PPP2R5A: variants seen among roughly 807,000 people sequenced by gnomAD.
PPP2R5A encodes the protein serine/threonine-protein phosphatase 2A 56 kDa regulatory subunit alpha isoform.
Under a neutral mutation model 64.2 loss-of-function variants are expected in PPP2R5A, and 25 were observed. The ratio of observed to expected loss-of-function variants is 0.39; its 90% CI spans 0.28 to 0.54. The LOEUF (loss-of-function observed/expected upper bound fraction) is 0.54, where lower values mean the gene tolerates loss of function less well. Among genes scored for constraint, PPP2R5A ranks in the 20% least tolerant of loss-of-function variants. The pLI, the probability that PPP2R5A is intolerant of heterozygous loss-of-function variation, is 0.67. For synonymous variants in PPP2R5A, 198 were observed against 201.2 expected, an observed-to-expected ratio of 0.98 and a Z score of 0.13; for missense variants, 425 against 576.3, an observed-to-expected ratio of 0.74 and a Z score of 2.69.
At chr1:212,318,304 G>C (rs904399995) in intron 1 of PPP2R5A, among the ~76,000 whole-genome samples, 3 of 150,750 alleles carry the variant, frequency 2.0e-5, no homozygotes, top group South Asian at 2.1e-4. Flanking sequence ...TTTTTTTTAA[G>C]GTAATTCCTA....
chr1:212,354,053 G>A (rs953275083), intron 8 of PPP2R5A, among the ~76,000 whole-genome samples: 7 of 152,042 alleles, frequency 4.6e-5, no homozygotes, highest in Admixed American at 1.3e-4. Flanking sequence ...GCCTGGTGGC[G>A]GGCGCCTGTA....
rs1339364422 is a variant in PPP2R5A at position 212,309,079 on chromosome 1, A to C, written c.182-20056A>C. 3 of 829,930 alleles carry C rather than the reference A, an allele frequency of 3.6e-6. No homozygotes were observed. The East Asian group carries it at 7.2e-5, about 20-fold the overall frequency. 51.4% of individuals were successfully genotyped at this position (829,930 alleles called of 1,614,324 possible). A position where few individuals can be genotyped will look rare whatever the true frequency, so the allele number is the denominator to read the frequency against. On this transcript the variant is annotated intron_variant, in intron 1 of 12. Coordinates refer to ENST00000261461, the MANE Select transcript of PPP2R5A (RefSeq NM_006243.4). ...GATCTCGATTTTGTTGGCAACATCCAAAGCATTGTAATCAGGAGCCAGTCA... is the reference window on the plus strand; with the variant it reads ...GATCTCGATTTTGTTGGCAACATCCCAAGCATTGTAATCAGGAGCCAGTCA...
intron 1 of PPP2R5A, among the ~76,000 whole-genome samples, chr1:212,310,180 C>T (rs1659001618): frequency 1.3e-5 from 2 of 152,134 alleles, no homozygotes; most frequent in Admixed American, 6.5e-5. Context: ...TGCTTTGGGG[C>T]ACACATTGTT....
At chr1:212,306,184 G>A (rs181980376) in intron 1 of PPP2R5A, among the ~76,000 whole-genome samples, 4 of 152,176 alleles carry the variant, frequency 2.6e-5, no homozygotes, top group African/African-American at 9.6e-5. Context: ...GGGTGGGCAC[G>A]TAAAGGAAAG....
intron 1 of PPP2R5A, among the ~76,000 whole-genome samples, chr1:212,295,743 CTG>C (rs1020924670): frequency 1.3e-5 from 2 of 152,106 alleles, no homozygotes; most frequent in Non-Finnish European, 2.9e-5. Flanking sequence ...CAGTGGATAA[CTG>C]TGGACAAGTC....
At chr1:212,290,524 A>T (rs1169633495) in intron 1 of PPP2R5A, among the ~76,000 whole-genome samples, 1 of 152,236 alleles carries the variant, frequency 6.6e-6, no homozygotes, top group Non-Finnish European at 1.5e-5. Flanking sequence ...TTTTTAAAAA[A>T]TTTAAAACAT....
chr1:212,323,498 T>G (rs1659350338), intron 1 of PPP2R5A, among the ~76,000 whole-genome samples: 2 of 152,224 alleles, frequency 1.3e-5, no homozygotes, highest in Admixed American at 6.5e-5. Context: ...CTAAAAATAA[T>G]CAAGAATTGG....
chr1:212,305,035 A>AT lies in PPP2R5A; in HGVS notation c.181+18765dup, dbSNP rs3070963. 7.8e-3 allele frequency among the ~76,000 whole-genome samples: 847 copies of AT among 107,944 alleles called. 18 individuals are homozygous for AT. The highest frequency in any genetic ancestry group is 0.01 in the African/African-American group (255 of 25,242). The allele number at this position is 107,944 out of a possible 152,430, so 70.8% of individuals were successfully genotyped here. A position where few individuals can be genotyped will look rare whatever the true frequency, so the allele number is the denominator to read the frequency against. ...TGGGAGCTGCCACACCCGGCCCCCA[A>AT]TTTTTTTTTTTTTTTTTTTTTGAGA... On this transcript the variant is annotated intron_variant, in intron 1 of 12. Coordinates refer to ENST00000261461, the MANE Select transcript of PPP2R5A (RefSeq NM_006243.4).
intron 1 of PPP2R5A, chr1:212,301,671 T>A (rs1364397179): frequency 4.1e-6 from 1 of 242,852 alleles, no homozygotes; most frequent in Non-Finnish European, 6.6e-6. Flanking sequence ...AAAGCTGATT[T>A]TAGATTTTTA....
At chr1:212,300,516 A>G (rs1354619156) in intron 1 of PPP2R5A, among the ~76,000 whole-genome samples, 2 of 152,198 alleles carry the variant, frequency 1.3e-5, no homozygotes, top group African/African-American at 4.8e-5. Context: ...AATCTTAACA[A>G]TGGTAGAAAG....
chr1:212,335,299 A>G lies in PPP2R5A; in HGVS notation c.480+1701A>G, dbSNP rs376273844. 4.6e-5 allele frequency among the ~76,000 whole-genome samples: 7 copies of G among 152,182 alleles called. No homozygotes were observed. In the East Asian group the frequency reaches 7.7e-4, roughly 17 times the overall value. ...GTTCCAGACCAGCCTAACATGGAGA[A>G]ACCCCATCTCTACTAAAAATACAAA... On this transcript the variant is annotated intron_variant, in intron 3 of 12. Coordinates refer to ENST00000261461, the MANE Select transcript of PPP2R5A (RefSeq NM_006243.4).
At chr1:212,358,625 G>GTGT (rs1229866970) in intron 11 of PPP2R5A, 61 bp from the exon 12 acceptor site, 1 of 1,222,702 alleles carries the variant, frequency 8.2e-7, no homozygotes, top group African/African-American at 1.5e-5. Flanking sequence ...AGAGACCATA[G>GTGT]TGTTACATTT....
At chr1:212,349,030 G>A (rs558693870) in intron 7 of PPP2R5A, among the ~76,000 whole-genome samples, 159 bp from the exon 8 acceptor site, 79 of 152,220 alleles carry the variant, frequency 5.2e-4, no homozygotes, top group African/African-American at 1.9e-3. Context: ...TTTCACGATT[G>A]AGGTATTTCA....
chr1:212,308,955 A>T (rs1047303495), intron 1 of PPP2R5A: 3 of 575,240 alleles, frequency 5.2e-6, no homozygotes, highest in Non-Finnish European at 9.2e-6. Flanking sequence ...TCTCTTTATG[A>T]TATTCTCTGT....
chr1:212,311,659 A>T (rs1659036565), intron 1 of PPP2R5A, among the ~76,000 whole-genome samples: 1 of 152,084 alleles, frequency 6.6e-6, no homozygotes, highest in Non-Finnish European at 1.5e-5. Context: ...ATTCTAGAAG[A>T]TGTGGAGATG....
At chr1:212,288,416 T>C (rs1658543683) in intron 1 of PPP2R5A, among the ~76,000 whole-genome samples, 1 of 152,234 alleles carries the variant, frequency 6.6e-6, no homozygotes, top group East Asian at 1.9e-4. Context: ...ATATAGTATT[T>C]GGTCACTAGT....
chr1:212,345,816 T>C lies in PPP2R5A; in HGVS notation c.587T>C (p.Phe196Ser). 6.3e-7 allele frequency: 1 copy of C among 1,599,940 alleles called. No homozygotes were observed. The highest frequency in any genetic ancestry group is 8.5e-7 in the Non-Finnish European group (1 of 1,176,740). ...TTTCTTTTAAAGCTCCTGGAGCTTT[T>C]TGATAGTGAAGATCCCAGAGAACGT... ...QKFVQQLLEL[F>S]DSEDPRERDF... Residue 196 changes from phenylalanine (F) to serine (S), a missense_variant, in exon 5 of 13, where the codon TTT becomes TCT. Coordinates refer to ENST00000261461, the MANE Select transcript of PPP2R5A (RefSeq NM_006243.4).
At chr1:212,352,155 CTGAGA>C (rs1309552009) in intron 8 of PPP2R5A, among the ~76,000 whole-genome samples, 1 of 151,654 alleles carries the variant, frequency 6.6e-6, no homozygotes, top group Non-Finnish European at 1.5e-5. Context: ...TCCTGAGTAG[CTGAGA>C]TAACAGGCGC....
chr1:212,287,285 A>G (rs1370543705), intron 1 of PPP2R5A, among the ~76,000 whole-genome samples: 1 of 152,198 alleles, frequency 6.6e-6, no homozygotes, highest in Non-Finnish European at 1.5e-5. Context: ...CAAGATGATA[A>G]TGCTCCTACA....
Sources: allele counts gnomAD v4.1 joint callset (sites outside exome capture counted in the v4.1 genomes callset), GRCh38; gene constraint gnomAD v4.1.1; transcripts MANE v1.5; gene names NCBI Gene and HGNC (gene_info 2026-07-23, HGNC 2026-07-21).